SOS2: variants seen among roughly 807,000 people sequenced by gnomAD.
SOS2 encodes the protein son of sevenless homolog 2.
SOS2 carries 65 observed loss-of-function variants against 148.2 expected under a neutral mutation model. That is an observed-to-expected ratio of 0.44 (90% CI 0.36 to 0.54). SOS2 has a LOEUF of 0.54. Among genes scored for constraint, SOS2 ranks in the 20% least tolerant of loss-of-function variants. The pLI, the probability that SOS2 is intolerant of heterozygous loss-of-function variation, is 0.00. For missense variants in SOS2, 1,341 were observed against 1,590.2 expected, an observed-to-expected ratio of 0.84 and a Z score of 2.67; for synonymous variants, 539 against 537.1, an observed-to-expected ratio of 1.00 and a Z score of -0.05.
intron 4 of SOS2, among the ~76,000 whole-genome samples, chr14:50,195,460 A>T (rs902436914): frequency 5.3e-5 from 8 of 152,136 alleles, no homozygotes; most frequent in African/African-American, 1.9e-4. Flanking sequence ...GGAATGACTT[A>T]TTAAAAAAAA....
In SOS2 at chr14:50,120,809, G is replaced by A. The variant is rs112925779; in HGVS notation, c.3380-425C>T. On this transcript the variant is annotated intron_variant, in intron 21 of 22. Transcript: ENST00000216373. ...GGCTGGAGTGCAATGGCACGATCTC[G>A]GCTCACTGCAACCTCCGCCTCCCGG... Among the ~76,000 whole-genome samples, 1,337 of 134,678 alleles carry A rather than the reference G, an allele frequency of 9.9e-3. 16 individuals carry two copies. Among genetic ancestry groups the A allele is most frequent in the African/African-American group, 0.036 (1,271 of 35,464 alleles). The allele number at this position is 134,678 out of a possible 152,430, so 88.4% of individuals were successfully genotyped here.
intron 11 of SOS2, among the ~76,000 whole-genome samples, chr14:50,157,842 T>C (rs1470256850): frequency 6.6e-6 from 1 of 152,134 alleles, no homozygotes; most frequent in Non-Finnish European, 1.5e-5. Context: ...TTTTAAACTA[T>C]AAAACATTTA....
chr14:50,207,160 C>G (rs1435547229), intron 1 of SOS2, among the ~76,000 whole-genome samples: 1 of 152,118 alleles, frequency 6.6e-6, no homozygotes, highest in East Asian at 1.9e-4. Flanking sequence ...AAAAGATACT[C>G]TCCAATTTAT....
chr14:50,149,117 G>C (rs1402818365), intron 14 of SOS2, among the ~76,000 whole-genome samples: 1 of 152,108 alleles, frequency 6.6e-6, no homozygotes, highest in Non-Finnish European at 1.5e-5. Context: ...GGCTGGTCTT[G>C]AACTCCTGGT....
At chr14:50,224,262 G>C (rs931013817) in intron 1 of SOS2, among the ~76,000 whole-genome samples, 10 of 146,294 alleles carry the variant, frequency 6.8e-5, no homozygotes, top group South Asian at 2.2e-4. Context: ...CTGCACTCCA[G>C]CCTGGGTGAC....
chr14:50,165,923 G>C (rs1218056293), intron 8 of SOS2, among the ~76,000 whole-genome samples: 3 of 152,134 alleles, frequency 2.0e-5, no homozygotes, highest in African/African-American at 4.8e-5. Context: ...ATATAAATAG[G>C]AGAGTTTATA....
intron 14 of SOS2, 37 bp from the exon 15 acceptor site, chr14:50,145,633 A>T: frequency 7.3e-7 from 1 of 1,369,564 alleles, no homozygotes; most frequent in South Asian, 1.3e-5. Context: ...TAACCTATAA[A>T]GGATTTGTAT....
At chr14:50,122,438 C>G (rs1225750440) in intron 21 of SOS2, among the ~76,000 whole-genome samples, 1 of 140,536 alleles carries the variant, frequency 7.1e-6, no homozygotes, top group African/African-American at 2.8e-5. Context: ...CTCTGTCGCC[C>G]AGGCTGGAGT....
chr14:50,144,916 C>T (rs921034229), intron 16 of SOS2, among the ~76,000 whole-genome samples: 18 of 151,930 alleles, frequency 1.2e-4, no homozygotes, highest in African/African-American at 3.1e-4. Context: ...GTACATTACA[C>T]GGCAGTGCAA....
chr14:50,136,566 CTTTA>C (rs1267959687), intron 18 of SOS2, among the ~76,000 whole-genome samples: 1 of 149,988 alleles, frequency 6.7e-6, no homozygotes, highest in Non-Finnish European at 1.5e-5. Context: ...AGGTTACCAC[CTTTA>C]TTTTTTTTAA....
chr14:50,215,149 T>A (rs1193588705), intron 1 of SOS2, among the ~76,000 whole-genome samples: 1 of 152,062 alleles, frequency 6.6e-6, no homozygotes, highest in African/African-American at 2.4e-5. Flanking sequence ...TTGTTTCTTA[T>A]AACATCTTTC....
chr14:50,188,093 C>T (rs1801525433), intron 5 of SOS2, among the ~76,000 whole-genome samples: 1 of 152,138 alleles, frequency 6.6e-6, no homozygotes, highest in Non-Finnish European at 1.5e-5. Context: ...TTAATGTACT[C>T]ATAAAGTATT....
chr14:50,201,667 A>G (rs1175258204), intron 2 of SOS2, among the ~76,000 whole-genome samples: 1 of 152,210 alleles, frequency 6.6e-6, no homozygotes, highest in Non-Finnish European at 1.5e-5. Flanking sequence ...GGAAAAAACA[A>G]TACATAGGAT....
Position 50,118,791 on chromosome 14 carries a change from C to A in SOS2, c.3552G>T (p.Lys1184Asn). The change falls in exon 23 of 23, where the codon AAG becomes AAT. Residue 1184 changes from lysine (K) to asparagine (N), a missense_variant. This residue lies in a region of SOS2 where 354 missense variants were observed against 347.7 expected (regional missense o/e 1.02). Transcript: ENST00000216373. ...TAGGAACAGGAACTCTGGGTTTTAC[C>A]TTTGGAGGAGGAGGCTGTCTCGGTG... ...AIPPRQPPPP[K>N]VKPRVPVPTG... 1 of 1,539,310 alleles carries A rather than the reference C, an allele frequency of 6.5e-7. No individual in the cohort carries two copies. The highest frequency in any genetic ancestry group is 8.8e-7 in the Non-Finnish European group (1 of 1,137,690).
At chr14:50,150,324 G>A (rs1382940373) in intron 13 of SOS2, 94 bp from the exon 14 acceptor site, 1 of 860,304 alleles carries the variant, frequency 1.2e-6, no homozygotes, top group Non-Finnish European at 1.9e-6. Flanking sequence ...AGCCTCAACA[G>A]TTACCAACTC....
chr14:50,158,711 C>A, intron 10 of SOS2, 65 bp from the exon 11 acceptor site: 2 of 1,061,368 alleles, frequency 1.9e-6, no homozygotes, highest in Middle Eastern at 2.1e-4. Flanking sequence ...ACTCAAAGTA[C>A]CATATTTGGA....
At chr14:50,180,976 TAAAAAG>T (rs1280737886) in intron 6 of SOS2, among the ~76,000 whole-genome samples, 2 of 151,526 alleles carry the variant, frequency 1.3e-5, no homozygotes, top group African/African-American at 4.9e-5. Flanking sequence ...AAAAAAGAAT[TAAAAAG>T]AAAAAGAATA....
In SOS2 at chr14:50,161,669, T is replaced by C. The variant is rs1885012897; in HGVS notation, c.1069-60A>G. The C allele has an allele frequency of 2.6e-6, 4 of 1,510,316 alleles. No homozygotes were observed. In the South Asian group the frequency reaches 3.6e-5, roughly 14 times the overall value. The allele number at this position is 1,510,316 out of a possible 1,614,324, so 93.6% of individuals were successfully genotyped here. A position where few individuals can be genotyped will look rare whatever the true frequency, so the allele number is the denominator to read the frequency against. ...TTGTTTGATTCTTCCCCCAACTTTCTAGTAATAGAAAAAGCAGCAACAAAT... is the reference window on the plus strand; with the variant it reads ...TTGTTTGATTCTTCCCCCAACTTTCCAGTAATAGAAAAAGCAGCAACAAAT... On this transcript the variant is annotated intron_variant, in intron 8 of 22. Transcript: ENST00000216373.
chr14:50,230,453 G>C (rs931015689), intron 1 of SOS2, among the ~76,000 whole-genome samples: 1 of 152,152 alleles, frequency 6.6e-6, no homozygotes, highest in Non-Finnish European at 1.5e-5. Flanking sequence ...CACAGAGGAA[G>C]ACCGCCACCA....
Sources: allele counts gnomAD v4.1 joint callset (sites outside exome capture counted in the v4.1 genomes callset), GRCh38; gene constraint gnomAD v4.1.1; regional missense constraint gnomAD v4.1.1; transcripts MANE v1.5; gene names NCBI Gene and HGNC (gene_info 2026-07-23, HGNC 2026-07-21).